Variants in SCAMP1 observed in about 807,000 individuals in gnomAD.
SCAMP1 encodes the protein secretory carrier-associated membrane protein 1.
A neutral mutation model predicts 41.8 loss-of-function variants in SCAMP1; 15 were observed. The ratio of observed to expected loss-of-function variants is 0.36; its 90% CI spans 0.24 to 0.55. The LOEUF is 0.55. Ranked by LOEUF, SCAMP1 falls within the 20% of genes least tolerant of loss-of-function variation. SCAMP1 has a pLI of 0.86. For missense variants in SCAMP1, 341 were observed against 412.6 expected, an observed-to-expected ratio of 0.83 and a Z score of 1.50; for synonymous variants, 135 against 136.8, an observed-to-expected ratio of 0.99 and a Z score of 0.09.
chr5:78,360,844 G>A lies in SCAMP1; in HGVS notation c.57+116G>A, dbSNP rs1012253830. 3.1e-5 allele frequency: 31 copies of A among 1,006,872 alleles called. No homozygotes were observed. In the South Asian group the frequency reaches 3.4e-4, roughly 11 times the overall value. The allele number at this position is 1,006,872 out of a possible 1,614,324, so 62.4% of individuals were successfully genotyped here. ...TCGGCTCCCCTTAGCAGCCCAGAGA[G>A]GGGCGCGGGGCCGCCGTCCTCCATT... On this transcript the variant is annotated intron_variant, in intron 1 of 8. Coordinates refer to ENST00000621999, the MANE Select transcript of SCAMP1 (RefSeq NM_004866.6).
chr5:78,404,427 G>T, intron 2 of SCAMP1, among the ~76,000 whole-genome samples: 1 of 137,632 alleles, frequency 7.3e-6, no homozygotes, highest in Admixed American at 7.1e-5. Flanking sequence ...GATTATAGGT[G>T]TGAGCCACTG....
At chr5:78,467,421 G>GT (rs1473394423) in intron 8 of SCAMP1, among the ~76,000 whole-genome samples, 1 of 152,116 alleles carries the variant, frequency 6.6e-6, no homozygotes, top group Non-Finnish European at 1.5e-5. Context: ...TTGACCAGCA[G>GT]TTTTTTTCCT....
intron 1 of SCAMP1, among the ~76,000 whole-genome samples, chr5:78,363,975 T>C (rs996221005): frequency 2.0e-5 from 3 of 152,252 alleles, no homozygotes; most frequent in Non-Finnish European, 2.9e-5. Flanking sequence ...TATAGAAGTT[T>C]CTGAGGATCC....
At chr5:78,391,321 G>A (rs1290603727) in intron 2 of SCAMP1, among the ~76,000 whole-genome samples, 50 of 149,250 alleles carry the variant, frequency 3.4e-4, no homozygotes, top group South Asian at 2.1e-4. Context: ...GCGGCTGGCC[G>A]GGCAGAGGGG....
intron 6 of SCAMP1, among the ~76,000 whole-genome samples, chr5:78,432,841 G>T (rs148196693): frequency 6.6e-6 from 1 of 151,752 alleles, no homozygotes; most frequent in Non-Finnish European, 1.5e-5. Context: ...CTTCTTTATC[G>T]TCGCTTTCTG....
chr5:78,437,129 A>G (rs1055682203), intron 6 of SCAMP1, among the ~76,000 whole-genome samples: 8 of 152,136 alleles, frequency 5.3e-5, no homozygotes, highest in African/African-American at 1.9e-4. Context: ...GGCTGAGATG[A>G]TGGGGTTTTC....
chr5:78,468,065 A>G (rs1323660148), intron 8 of SCAMP1, among the ~76,000 whole-genome samples: 1 of 152,086 alleles, frequency 6.6e-6, no homozygotes, highest in African/African-American at 2.4e-5. Context: ...TGTCCTATAT[A>G]TTTATCCTAA....
intron 2 of SCAMP1, among the ~76,000 whole-genome samples, chr5:78,396,331 G>A (rs1280583395): frequency 6.6e-6 from 1 of 152,192 alleles, no homozygotes; most frequent in East Asian, 1.9e-4. Context: ...TAATGGGGGA[G>A]ACTGTGCATG....
At chr5:78,456,275 A>G (rs1162515777) in intron 7 of SCAMP1, among the ~76,000 whole-genome samples, 3 of 146,062 alleles carry the variant, frequency 2.1e-5, no homozygotes, top group Non-Finnish European at 4.5e-5. Context: ...GTTTCTTCCT[A>G]GTCTCGATGG....
chr5:78,459,817 G>A (rs763809469), intron 8 of SCAMP1, among the ~76,000 whole-genome samples: 1 of 151,886 alleles, frequency 6.6e-6, no homozygotes, highest in Non-Finnish European at 1.5e-5. Flanking sequence ...TTGTTACATG[G>A]TTATGTTGCA....
intron 6 of SCAMP1, among the ~76,000 whole-genome samples, chr5:78,429,170 A>G (rs980992924): frequency 6.6e-6 from 1 of 152,028 alleles, no homozygotes; most frequent in African/African-American, 2.4e-5. Flanking sequence ...TAAACTGGCT[A>G]CAGCTTCTAG....
chr5:78,471,263 G>A (rs759219612), intron 8 of SCAMP1, among the ~76,000 whole-genome samples: 1 of 152,114 alleles, frequency 6.6e-6, no homozygotes, highest in Non-Finnish European at 1.5e-5. Context: ...GGCAGACAGA[G>A]CATTATTTGA....
intron 2 of SCAMP1, among the ~76,000 whole-genome samples, chr5:78,396,643 A>G (rs1035931106): frequency 2.0e-5 from 3 of 152,206 alleles, no homozygotes; most frequent in East Asian, 1.9e-4. Flanking sequence ...GGATTTAATC[A>G]TCAATTGAGT....
At chr5:78,448,250 T>C (rs181832890) in intron 6 of SCAMP1, among the ~76,000 whole-genome samples, 76 of 147,038 alleles carry the variant, frequency 5.2e-4, no homozygotes, top group South Asian at 1.5e-3. Flanking sequence ...CAGGCTCATG[T>C]CAAACTCCTA....
chr5:78,366,548 G>T (rs1750801235), intron 1 of SCAMP1, among the ~76,000 whole-genome samples: 1 of 152,156 alleles, frequency 6.6e-6, no homozygotes, highest in Admixed American at 6.5e-5. Context: ...CATCACGTTG[G>T]TGATAGGTTT....
intron 6 of SCAMP1, among the ~76,000 whole-genome samples, chr5:78,441,715 C>G (rs1466435623): frequency 3.3e-5 from 5 of 152,172 alleles, no homozygotes; most frequent in African/African-American, 4.8e-5. Flanking sequence ...GTAATGCCAG[C>G]TGTTTGGGAG....
At chr5:78,391,270 C>T (rs1751489119) in intron 2 of SCAMP1, among the ~76,000 whole-genome samples, 1 of 150,836 alleles carries the variant, frequency 6.6e-6, no homozygotes, top group African/African-American at 2.4e-5. Flanking sequence ...GGGCAGCTGG[C>T]CGGGCGGGGG....
At chr5:78,460,780 CCTT>C in intron 8 of SCAMP1, among the ~76,000 whole-genome samples, 8 of 35,856 alleles carry the variant, frequency 2.2e-4, no homozygotes, top group African/African-American at 1.4e-3. Context: ...TTCCTTCCTT[CCTT>C]CCTTCCTTCC....
intron 2 of SCAMP1, among the ~76,000 whole-genome samples, chr5:78,389,129 T>C (rs1286954239): frequency 6.6e-6 from 1 of 152,240 alleles, no homozygotes; most frequent in Non-Finnish European, 1.5e-5. Flanking sequence ...CTTCAAATTT[T>C]CTTTTATGTT....
Sources: allele counts gnomAD v4.1 joint callset (sites outside exome capture counted in the v4.1 genomes callset), GRCh38; gene constraint gnomAD v4.1.1; transcripts MANE v1.5; gene names NCBI Gene and HGNC (gene_info 2026-07-23, HGNC 2026-07-21).